Variants in GPC6 observed in about 807,000 individuals in gnomAD.
GPC6 encodes glypican-6.
Under a neutral mutation model 55.2 loss-of-function variants are expected in GPC6, and 14 were observed. The ratio of observed to expected loss-of-function variants is 0.25; its 90% CI spans 0.17 to 0.40. GPC6 has a LOEUF of 0.40. GPC6 is among the 10% of genes least tolerant of loss of function. The pLI, the probability that GPC6 is intolerant of heterozygous loss-of-function variation, is 1.00. For missense variants in GPC6, 641 were observed against 708.5 expected (o/e 0.90, Z 1.08); for synonymous variants, 278 against 259.6 (o/e 1.07, Z -0.68).
At chr13:94,217,613 C>T (rs1459412730) in intron 4 of GPC6, among the ~76,000 whole-genome samples, 2 of 152,128 alleles carry the variant, frequency 1.3e-5, no homozygotes, top group South Asian at 2.1e-4. Flanking sequence ...GAATTTTGAA[C>T]ACTGCCTTCA....
intron 4 of GPC6, among the ~76,000 whole-genome samples, chr13:94,094,057 T>C (rs1040592007): frequency 6.1e-4 from 9 of 14,808 alleles, no homozygotes; most frequent in African/African-American, 1.5e-3. Flanking sequence ...GGACTCTGCC[T>C]TTTTCGAAAT....
At chr13:93,924,374 C>T (rs147055845) in intron 3 of GPC6, among the ~76,000 whole-genome samples, 3,662 of 152,260 alleles carry the variant, frequency 0.024, 56 homozygotes, top group Middle Eastern at 0.051. Flanking sequence ...CAATCGTCTG[C>T]GTTTTCTCCT....
chr13:93,842,627 G>A (rs75274488), intron 3 of GPC6, among the ~76,000 whole-genome samples: 5,738 of 152,114 alleles, frequency 0.038, 345 homozygotes, highest in African/African-American at 0.13. Context: ...TGATTTTGCA[G>A]TAGAGAACTG....
At chr13:93,328,221 C>T (rs981007845) in intron 1 of GPC6, among the ~76,000 whole-genome samples, 3 of 152,052 alleles carry the variant, frequency 2.0e-5, no homozygotes, top group African/African-American at 7.2e-5. Flanking sequence ...ATGTACTATA[C>T]TTGTATATAT....
chr13:93,432,303 C>T (rs867862776), intron 1 of GPC6, among the ~76,000 whole-genome samples: 7 of 152,076 alleles, frequency 4.6e-5, no homozygotes, highest in African/African-American at 9.7e-5. Flanking sequence ...ACTCTCTCTC[C>T]GGCCAACTCT....
intron 2 of GPC6, among the ~76,000 whole-genome samples, chr13:93,793,843 T>C (rs1193274318): frequency 2.6e-5 from 4 of 152,230 alleles, no homozygotes; most frequent in Non-Finnish European, 4.4e-5. Context: ...TCCACAGTTT[T>C]ATTTTTACTC....
chr13:93,853,261 CT>C (rs1438762716), intron 3 of GPC6, among the ~76,000 whole-genome samples: 2 of 151,664 alleles, frequency 1.3e-5, no homozygotes, highest in African/African-American at 4.8e-5. Context: ...TATATGTAAT[CT>C]TTTCTTCTTG....
At chr13:93,792,154 G>T (rs767217462) in intron 2 of GPC6, among the ~76,000 whole-genome samples, 36 of 152,198 alleles carry the variant, frequency 2.4e-4, no homozygotes, top group Non-Finnish European at 4.6e-4. Context: ...AGGAGCAGAG[G>T]GCAGAAAGCC....
chr13:93,511,701 A>G (rs1454026771), intron 1 of GPC6, among the ~76,000 whole-genome samples: 1 of 152,020 alleles, frequency 6.6e-6, no homozygotes, highest in Non-Finnish European at 1.5e-5. Context: ...TTCTAATTCT[A>G]TGAAGAATGA....
intron 1 of GPC6, among the ~76,000 whole-genome samples, chr13:93,307,581 C>T (rs988047232): frequency 2.0e-5 from 3 of 152,012 alleles, no homozygotes; most frequent in Non-Finnish European, 4.4e-5. Flanking sequence ...TTGGCTCTTT[C>T]TATTAACACC....
intron 3 of GPC6, among the ~76,000 whole-genome samples, chr13:93,875,882 G>A (rs1344396738): frequency 1.3e-5 from 2 of 152,020 alleles, no homozygotes; most frequent in Non-Finnish European, 2.9e-5. Flanking sequence ...AGTACTGAAT[G>A]GGTCTTGTGA....
intron 1 of GPC6, among the ~76,000 whole-genome samples, chr13:93,280,146 C>T (rs1020686547): frequency 1.3e-5 from 2 of 152,280 alleles, no homozygotes; most frequent in Non-Finnish European, 2.9e-5. Flanking sequence ...GTTATCTCCT[C>T]CCAGAGTCCT....
At chr13:93,957,280 T>C (rs1566621777) in intron 3 of GPC6, among the ~76,000 whole-genome samples, 1 of 152,222 alleles carries the variant, frequency 6.6e-6, no homozygotes, top group East Asian at 1.9e-4. Context: ...ATTTTAGATA[T>C]AGGGGGTACA....
At chr13:93,989,675 A>G (rs555804803) in intron 3 of GPC6, among the ~76,000 whole-genome samples, 8 of 152,238 alleles carry the variant, frequency 5.3e-5, no homozygotes, top group Admixed American at 4.6e-4. Flanking sequence ...TGGAATTTCA[A>G]TTATTTCAGA....
chr13:93,551,638 T>C (rs1164088381), intron 2 of GPC6, among the ~76,000 whole-genome samples: 2 of 152,122 alleles, frequency 1.3e-5, no homozygotes, highest in Admixed American at 1.3e-4. Flanking sequence ...TCATGGCAAT[T>C]TCCAACATTA....
At chr13:94,030,867 C>T (rs1344842042) in intron 4 of GPC6, among the ~76,000 whole-genome samples, 1 of 152,158 alleles carries the variant, frequency 6.6e-6, no homozygotes, top group African/African-American at 2.4e-5. Context: ...CTTTACAATG[C>T]CACAAATTAA....
intron 4 of GPC6, among the ~76,000 whole-genome samples, chr13:94,276,941 G>C (rs1043095039): frequency 2.0e-5 from 3 of 152,060 alleles, no homozygotes; most frequent in African/African-American, 4.8e-5. Context: ...ATATTCCTTT[G>C]TGTATATACC....
chr13:94,028,809 C>G (rs1173218909), intron 4 of GPC6, among the ~76,000 whole-genome samples: 1 of 152,032 alleles, frequency 6.6e-6, no homozygotes, highest in Non-Finnish European at 1.5e-5. Flanking sequence ...GGTTGCATGG[C>G]CCAAAGACAG....
chr13:93,585,777 ATG>A (rs1415670328), intron 2 of GPC6, among the ~76,000 whole-genome samples: 2 of 152,180 alleles, frequency 1.3e-5, no homozygotes, highest in Non-Finnish European at 2.9e-5. Flanking sequence ...TGGAGAGTAA[ATG>A]TCAGCCAATG....
Sources: allele counts gnomAD v4.1 joint callset (sites outside exome capture counted in the v4.1 genomes callset), GRCh38; gene constraint gnomAD v4.1.1; transcripts MANE v1.5; gene names NCBI Gene and HGNC (gene_info 2026-07-23, HGNC 2026-07-21).